The following PRKN variants were observed in gnomAD, a reference collection of about 807,000 sequenced individuals.
PRKN encodes E3 ubiquitin-protein ligase parkin.
In PRKN, 56 loss-of-function variants were observed where a neutral mutation model predicts 59.5. The ratio of observed to expected loss-of-function variants is 0.94; its 90% CI spans 0.76 to 1.18. The LOEUF is 1.18. Among genes scored for constraint, PRKN ranks in the 50% most tolerant of loss-of-function variants. PRKN has a pLI of 0.00. For synonymous variants in PRKN, 250 were observed against 222.1 expected (o/e 1.13, Z -1.12); for missense variants, 657 against 596.4 (o/e 1.10, Z -1.06).
Position 161,379,132 on chromosome 6 carries a change from A to G in PRKN, c.1167+7662T>C, listed in dbSNP as rs1341614371. On this transcript the variant is annotated intron_variant, in intron 10 of 11. Transcript: ENST00000366898. The surrounding 1 kb of genome is among the most constrained non-coding windows in gnomAD (Gnocchi z 4.9). ...TGGGGTATTTAAATGGGAAGAATGC[A>G]TTTGGCACCCAGGTGGTTCACTGTG... Among the ~76,000 whole-genome samples the G allele has an allele frequency of 6.6e-6, 1 of 152,124 alleles. No homozygotes were observed. The highest frequency in any genetic ancestry group is 1.5e-5 in the Non-Finnish European group (1 of 68,002).
intron 6 of PRKN, among the ~76,000 whole-genome samples, chr6:161,800,310 AT>A: frequency 6.6e-6 from 1 of 152,230 alleles, no homozygotes; most frequent in East Asian, 1.9e-4. Flanking sequence ...TCCTACTACC[AT>A]TTGCAGATTT....
At chr6:162,015,451 C>A (rs1782899491) in intron 5 of PRKN, among the ~76,000 whole-genome samples, 1 of 152,114 alleles carries the variant, frequency 6.6e-6, no homozygotes. Flanking sequence ...AAGCGCAGAA[C>A]CAACTCAATT....
intron 4 of PRKN, among the ~76,000 whole-genome samples, chr6:162,184,287 C>G (rs78842407): frequency 2.6e-5 from 4 of 152,148 alleles, no homozygotes; most frequent in South Asian, 4.1e-4. Flanking sequence ...AAGTAAAAAA[C>G]ATCCACTGTC....
intron 1 of PRKN, among the ~76,000 whole-genome samples, chr6:162,620,691 T>C (rs1782627839): frequency 6.6e-6 from 1 of 151,722 alleles, no homozygotes; most frequent in East Asian, 1.9e-4. Flanking sequence ...TTTTTTGGGT[T>C]AACACCCAAC....
intron 7 of PRKN, among the ~76,000 whole-genome samples, chr6:161,722,200 A>C (rs1167382871): frequency 5.9e-5 from 9 of 151,950 alleles, no homozygotes; most frequent in Admixed American, 3.3e-4. Context: ...TATATAGAAA[A>C]TTCGGGGGGA....
intron 2 of PRKN, among the ~76,000 whole-genome samples, chr6:162,405,966 G>T (rs1215987040): frequency 2.6e-5 from 4 of 152,058 alleles, no homozygotes; most frequent in Non-Finnish European, 5.9e-5. Flanking sequence ...TAAAAAGATG[G>T]CAACAACAAG....
intron 2 of PRKN, among the ~76,000 whole-genome samples, chr6:162,313,218 T>C (rs915954305): frequency 2.0e-5 from 3 of 152,156 alleles, no homozygotes; most frequent in Non-Finnish European, 4.4e-5. Context: ...CATTTCATCT[T>C]AAAAAACTGA....
At chr6:162,289,923 T>C (rs901183384) in intron 2 of PRKN, among the ~76,000 whole-genome samples, 2 of 152,104 alleles carry the variant, frequency 1.3e-5, no homozygotes, top group Non-Finnish European at 2.9e-5. Flanking sequence ...AGTCCCTAAA[T>C]TGAAACAGAA....
intron 3 of PRKN, among the ~76,000 whole-genome samples, chr6:162,202,024 T>TA (rs1202588389): frequency 6.6e-6 from 1 of 152,172 alleles, no homozygotes; most frequent in Non-Finnish European, 1.5e-5. Flanking sequence ...TGTTAAGAAT[T>TA]AACTTTATTC....
intron 7 of PRKN, among the ~76,000 whole-genome samples, chr6:161,680,769 A>ATG (rs1281842827): frequency 7.7e-5 from 1 of 13,060 alleles, no homozygotes; most frequent in Non-Finnish European, 1.8e-4. Flanking sequence ...ATATATATAT[A>ATG]TATATATTTT....
chr6:161,777,041 C>T (rs766717695), intron 7 of PRKN, among the ~76,000 whole-genome samples: 24 of 152,108 alleles, frequency 1.6e-4, no homozygotes, highest in Non-Finnish European at 7.3e-5. Context: ...GGAACGCAGG[C>T]GCTAGAGCCA....
At chr6:161,382,099 G>A (rs759284296) in intron 10 of PRKN, among the ~76,000 whole-genome samples, 10 of 100,756 alleles carry the variant, frequency 9.9e-5, no homozygotes, top group Non-Finnish European at 1.8e-4. Flanking sequence ...GTGAAAGAGC[G>A]AGACTCCATC....
At chr6:161,941,815 T>C (rs1238574409) in intron 6 of PRKN, among the ~76,000 whole-genome samples, 1 of 152,116 alleles carries the variant, frequency 6.6e-6, no homozygotes, top group African/African-American at 2.4e-5. Flanking sequence ...CCTGTTTCAA[T>C]ACCTGGTTAT....
At position 162,034,168 on chromosome 6, in the gene PRKN, CATAT is replaced by C. The variant is rs747375762; in HGVS notation, c.618+19919_618+19922del. 2.0e-3 allele frequency among the ~76,000 whole-genome samples: 265 copies of C among 132,122 alleles called. 2 individuals are homozygous for C. The highest frequency in any genetic ancestry group is 2.9e-3 in the Non-Finnish European group (185 of 62,866). 86.7% of individuals were successfully genotyped at this position (132,122 alleles called of 152,430 possible). ...GTGTGTGTGTGTGTGTGTACACATA[CATAT>C]ATATATATATATATAGAGAGAGAGA... On this transcript the variant is annotated intron_variant, in intron 5 of 11. Transcript: ENST00000366898.
At chr6:161,965,858 AG>A (rs1346679544) in intron 6 of PRKN, among the ~76,000 whole-genome samples, 11 of 152,084 alleles carry the variant, frequency 7.2e-5, no homozygotes, top group Admixed American at 6.5e-4. Context: ...GTGGAGACCA[AG>A]GTTCTTCTGA....
At chr6:161,489,029 G>T (rs929527722) in intron 9 of PRKN, among the ~76,000 whole-genome samples, 28 of 151,920 alleles carry the variant, frequency 1.8e-4, no homozygotes, top group Non-Finnish European at 3.5e-4. Flanking sequence ...AAGAAAAGGG[G>T]GCTAAGAGTT....
At chr6:162,220,900 C>T (rs982156053) in intron 3 of PRKN, among the ~76,000 whole-genome samples, 1 of 152,212 alleles carries the variant, frequency 6.6e-6, no homozygotes, top group Non-Finnish European at 1.5e-5. Context: ...CATCCTTTCA[C>T]TCTCCTCTTG....
In PRKN at chr6:161,402,702, A is replaced by G. The variant is rs1395820882; in HGVS notation, c.1084-15825T>C. On this transcript the variant is annotated intron_variant, in intron 9 of 11. Coordinates refer to ENST00000366898, the MANE Select transcript of PRKN (RefSeq NM_004562.3). This position sits in a 1 kb window ranked among gnomAD's most constrained non-coding sequence, Gnocchi z 4.5. ...AGATCATGGAAGCCTACAGAACTAT[A>G]TCCTAGATACAGAAAAGAACAGGGG... Among the ~76,000 whole-genome samples, 1 of 152,112 alleles carries G rather than the reference A, an allele frequency of 6.6e-6. No homozygotes were observed. Among genetic ancestry groups the G allele is most frequent in the African/African-American group, 2.4e-5 (1 of 41,392 alleles).
At chr6:161,411,692 C>CCACTCATTCCTTCCT (rs751042317) in intron 9 of PRKN, among the ~76,000 whole-genome samples, 4 of 151,968 alleles carry the variant, frequency 2.6e-5, no homozygotes, top group East Asian at 1.9e-4. Flanking sequence ...ATGCATTCTT[C>CCACTCATTCCTTCCT]CACTCATTCC....
Sources: gnomAD v4.1 joint callset for allele counts (sites outside exome capture counted in the v4.1 genomes callset) on GRCh38, gnomAD v4.1.1 for gene constraint, Gnocchi (gnomAD v3.1) non-coding constraint, MANE v1.5 for transcripts, NCBI Gene and HGNC (gene_info 2026-07-23, HGNC 2026-07-21) for gene names.